MTFR1: variants seen among roughly 807,000 people sequenced by gnomAD.
MTFR1 encodes the protein mitochondrial fission regulator 1.
A neutral mutation model predicts 38.8 loss-of-function variants in MTFR1; 28 were observed. The observed-to-expected ratio is 0.72, with a 90% confidence interval of 0.53 to 0.99. The LOEUF (loss-of-function observed/expected upper bound fraction) is 0.99, where lower values mean the gene tolerates loss of function less well. MTFR1 is among the 50% of genes least tolerant of loss of function. The probability of loss-of-function intolerance (pLI) is 0.00; values close to 1 mark genes in which losing one functional copy is unlikely to be tolerated. For missense variants in MTFR1, 358 were observed against 395.5 expected, an observed-to-expected ratio of 0.91 and a Z score of 0.81; for synonymous variants, 145 against 137.0, an observed-to-expected ratio of 1.06 and a Z score of -0.41.
At chr8:65,649,254 G>A (rs1434884537) in intron 1 of MTFR1, among the ~76,000 whole-genome samples, 1 of 151,506 alleles carries the variant, frequency 6.6e-6, no homozygotes, top group Non-Finnish European at 1.5e-5. Context: ...ACACGATCTC[G>A]GCTCACTGCA....
At chr8:65,723,765 T>C (rs924403518) in intron 3 of MTFR1, 15 of 511,066 alleles carry the variant, frequency 2.9e-5, no homozygotes, top group African/African-American at 1.6e-4. Flanking sequence ...TAGTTCTTTT[T>C]AAAATTTTAA....
At chr8:65,717,596 A>G (rs1806194713) in intron 2 of MTFR1, 2 of 152,244 alleles carry the variant, frequency 1.3e-5, no homozygotes, top group South Asian at 4.1e-4. Context: ...GAATTACAAG[A>G]GCCAAGAAGC....
intron 4 of MTFR1, among the ~76,000 whole-genome samples, chr8:65,703,352 A>G (rs145734845): frequency 4.6e-5 from 7 of 151,642 alleles, no homozygotes; most frequent in African/African-American, 1.7e-4. Context: ...TCCTGTCTCA[A>G]AAAGAGAAAC....
intron 5 of MTFR1, among the ~76,000 whole-genome samples, chr8:65,705,308 G>A (rs1292802490): frequency 1.3e-5 from 2 of 152,170 alleles, no homozygotes; most frequent in Non-Finnish European, 2.9e-5. Flanking sequence ...TGGCGACAGA[G>A]CAAGGCTTCT....
chr8:65,689,106 C>A (rs1383094100), intron 3 of MTFR1, among the ~76,000 whole-genome samples: 4 of 152,170 alleles, frequency 2.6e-5, no homozygotes, highest in African/African-American at 9.6e-5. Context: ...GATTGCGCCA[C>A]TGCACTCCGG....
intron 1 of MTFR1, among the ~76,000 whole-genome samples, chr8:65,656,858 C>CTGCT (rs1307451980): frequency 6.6e-6 from 1 of 152,040 alleles, no homozygotes; most frequent in African/African-American, 2.4e-5. Context: ...GTTGCCCAGG[C>CTGCT]TGCTCTTGAA....
At chr8:65,675,557 C>T (rs1002804092) in intron 2 of MTFR1, among the ~76,000 whole-genome samples, 1 of 152,074 alleles carries the variant, frequency 6.6e-6, no homozygotes, top group Non-Finnish European at 1.5e-5. Context: ...CAAGATCACG[C>T]CACTGCACTC....
intron 2 of MTFR1, among the ~76,000 whole-genome samples, chr8:65,678,594 A>T (rs74793068): frequency 0.024 from 3,705 of 152,178 alleles, 166 homozygotes; most frequent in African/African-American, 0.083. Context: ...TAATCTACTT[A>T]TTCCTTATAA....
intron 2 of MTFR1, among the ~76,000 whole-genome samples, chr8:65,673,964 C>T (rs1804638237): frequency 6.6e-6 from 1 of 152,188 alleles, no homozygotes; most frequent in African/African-American, 2.4e-5. Context: ...AAACATGACA[C>T]AGACATGAAG....
At chr8:65,736,353 C>G (rs1375346335) in intron 3 of MTFR1, among the ~76,000 whole-genome samples, 1 of 152,200 alleles carries the variant, frequency 6.6e-6, no homozygotes, top group Non-Finnish European at 1.5e-5. Flanking sequence ...TATTTTCAGA[C>G]TACAGTTGAC....
intron 3 of MTFR1, among the ~76,000 whole-genome samples, chr8:65,753,727 T>A (rs187530815): frequency 1.3e-5 from 2 of 152,304 alleles, no homozygotes; most frequent in African/African-American, 2.4e-5. Context: ...GGTATTCAAG[T>A]CTTCATTATT....
At chr8:65,654,014 G>C (rs531943840) in intron 1 of MTFR1, among the ~76,000 whole-genome samples, 19 of 147,724 alleles carry the variant, frequency 1.3e-4, no homozygotes, top group African/African-American at 4.7e-4. Flanking sequence ...AGTGAGCTCT[G>C]ATGGTGCCAT....
chr8:65,719,718 A>C (rs1806293983), intron 3 of MTFR1: 1 of 553,214 alleles, frequency 1.8e-6, no homozygotes, highest in African/African-American at 1.9e-5. Context: ...AGTAAAAGTG[A>C]ACTGACAAAT....
chr8:65,733,351 T>A (rs1197482624), intron 3 of MTFR1, among the ~76,000 whole-genome samples: 1 of 152,176 alleles, frequency 6.6e-6, no homozygotes, highest in Admixed American at 6.5e-5. Context: ...TGCAGAGAAC[T>A]TATTACCATC....
intron 4 of MTFR1, 107 bp downstream of exon 4, chr8:65,693,866 C>A: frequency 1.3e-6 from 1 of 785,428 alleles, no homozygotes; most frequent in Non-Finnish European, 2.1e-6. Context: ...TCTAGTAATG[C>A]ACCCTCTTCT....
At chr8:65,662,032 CCTCTCTCTCCCT>C (rs764025677) in intron 1 of MTFR1, among the ~76,000 whole-genome samples, 6,631 of 100,332 alleles carry the variant, frequency 0.066, 244 homozygotes, top group Non-Finnish European at 0.094. Flanking sequence ...TCTCTCTCTC[CCTCTCTCTCCCT>C]CTCTCTCTCC....
At chr8:65,762,991 ATGTGTGTG>A (rs34371328) in intron 3 of MTFR1, among the ~76,000 whole-genome samples, 9,110 of 138,566 alleles carry the variant, frequency 0.066, 840 homozygotes, top group African/African-American at 0.21. Context: ...TATAAAAACA[ATGTGTGTG>A]TGTGTGTGTG....
intron 4 of MTFR1, among the ~76,000 whole-genome samples, chr8:65,697,880 T>G (rs1184135782): frequency 6.6e-6 from 1 of 152,220 alleles, no homozygotes; most frequent in Non-Finnish European, 1.5e-5. Flanking sequence ...TTTTAAGATT[T>G]CTTTGTATAT....
chr8:65,670,219 T>C (rs190557343), intron 2 of MTFR1, among the ~76,000 whole-genome samples: 10 of 152,338 alleles, frequency 6.6e-5, no homozygotes, highest in East Asian at 1.9e-4. Flanking sequence ...CTGGGTTACA[T>C]TGAAAACTTA....
Sources: gnomAD v4.1 joint callset for allele counts (sites outside exome capture counted in the v4.1 genomes callset) on GRCh38, gnomAD v4.1.1 for gene constraint, MANE v1.5 for transcripts, NCBI Gene and HGNC (gene_info 2026-07-23, HGNC 2026-07-21) for gene names.